CELF4: variants seen among roughly 807,000 people sequenced by gnomAD.
CELF4 encodes CUG-BP- and ETR-3-like factor 4.
In CELF4, 18 loss-of-function variants were observed where a neutral mutation model predicts 59.9. The observed-to-expected ratio is 0.30, with a 90% CI of 0.21 to 0.45. The LOEUF is 0.45. CELF4 is among the 20% of genes least tolerant of loss of function. The pLI, the probability that CELF4 is intolerant of heterozygous loss-of-function variation, is 1.00. For missense variants in CELF4, 456 were observed against 689.0 expected, an observed-to-expected ratio of 0.66 and a Z score of 3.79; for synonymous variants, 261 against 267.1, an observed-to-expected ratio of 0.98 and a Z score of 0.22.
At chr18:37,490,618 A>G (rs1198574739) in intron 1 of CELF4, among the ~76,000 whole-genome samples, 2 of 152,086 alleles carry the variant, frequency 1.3e-5, no homozygotes, top group African/African-American at 4.8e-5. Context: ...GAGTTGACAC[A>G]GGTGCTCTCA....
At chr18:37,438,791 G>A (rs901176347) in intron 2 of CELF4, among the ~76,000 whole-genome samples, 35 of 152,130 alleles carry the variant, frequency 2.3e-4, no homozygotes, top group Non-Finnish European at 3.5e-4. Flanking sequence ...ATTGACAGCC[G>A]CGGGTGTAAT....
intron 8 of CELF4, among the ~76,000 whole-genome samples, chr18:37,269,540 C>T (rs371587052): frequency 1.3e-5 from 2 of 152,206 alleles, no homozygotes; most frequent in African/African-American, 4.8e-5. Context: ...CCAGCCCCTG[C>T]TGCCAATTCA....
In CELF4 at chr18:37,243,980, G is replaced by A. The variant is rs945773604; in HGVS notation, c.*1262C>T. The A allele has an allele frequency of 2.4e-5, 4 of 167,856 alleles. No homozygotes were observed. Among genetic ancestry groups the A allele is most frequent in the African/African-American group, 4.8e-5 (2 of 41,730 alleles). The allele number at this position is 167,856 out of a possible 1,614,324, so 10.4% of individuals were successfully genotyped here. The stretch of plus-strand genomic sequence containing the variant: ...CGACGGCGTGGCCTCCACCGGCGTC[G>A]GCAGCCAGGCGCCCGCAGGTGTGGG... On this transcript the variant is annotated 3_prime_UTR_variant, in exon 13 of 13. Transcript: ENST00000420428.
At chr18:37,488,497 CA>C (rs2099887109) in intron 1 of CELF4, among the ~76,000 whole-genome samples, 1 of 152,140 alleles carries the variant, frequency 6.6e-6, no homozygotes, top group Non-Finnish European at 1.5e-5. Flanking sequence ...GAGAGCTGTT[CA>C]AGATCTGTGG....
intron 2 of CELF4, among the ~76,000 whole-genome samples, chr18:37,395,263 CT>C (rs2099229041): frequency 1.3e-5 from 2 of 152,080 alleles, no homozygotes; most frequent in South Asian, 4.2e-4. Context: ...GGTGAGAATG[CT>C]TTTTTTGTGT....
At chr18:37,306,679 G>A (rs2096420641) in intron 3 of CELF4, among the ~76,000 whole-genome samples, 1 of 152,172 alleles carries the variant, frequency 6.6e-6, no homozygotes, top group South Asian at 2.1e-4. Context: ...TCACTGACAA[G>A]AGCCCTTCAG....
chr18:37,352,065 A>T (rs1295941369), intron 2 of CELF4, among the ~76,000 whole-genome samples: 1 of 152,208 alleles, frequency 6.6e-6, no homozygotes, highest in Non-Finnish European at 1.5e-5. Flanking sequence ...TCACAGTTTA[A>T]ACGAGGGATG....
At chr18:37,451,348 G>A (rs2099763269) in intron 2 of CELF4, among the ~76,000 whole-genome samples, 1 of 152,106 alleles carries the variant, frequency 6.6e-6, no homozygotes, top group Non-Finnish European at 1.5e-5. Flanking sequence ...GCTTCTGTGT[G>A]TCTGTGTGTA....
At chr18:37,469,052 G>C (rs1347899779) in intron 2 of CELF4, among the ~76,000 whole-genome samples, 1 of 152,072 alleles carries the variant, frequency 6.6e-6, no homozygotes, top group Admixed American at 6.5e-5. Context: ...GATTTCCTGG[G>C]GCCATCTTCC....
rs1463777210 is a variant in CELF4 at position 37,253,273 on chromosome 18, G to A, written c.*44+494C>T. Among the ~76,000 whole-genome samples, 1 of 152,180 alleles carries A rather than the reference G, an allele frequency of 6.6e-6. No individual in the cohort carries two copies. The highest frequency in any genetic ancestry group is 6.5e-5 in the Admixed American group (1 of 15,286). ...ATCCTGTCCTTCCTCTCTTCACTGAGCTATGGGGAAAGACAGGGGTGCAGG... is the reference window on the plus strand; with the variant it reads ...ATCCTGTCCTTCCTCTCTTCACTGAACTATGGGGAAAGACAGGGGTGCAGG... On this transcript the variant is annotated intron_variant, in intron 12 of 12. Transcript: ENST00000420428. The surrounding 1 kb of genome is among the most constrained non-coding windows in gnomAD (Gnocchi z 4.5).
intron 2 of CELF4, chr18:37,474,118 C>T (rs1007151028): frequency 1.3e-5 from 2 of 152,170 alleles, no homozygotes; most frequent in Admixed American, 1.3e-4. Flanking sequence ...TGAAGCAACA[C>T]GAGGCCCCAG....
intron 2 of CELF4, among the ~76,000 whole-genome samples, chr18:37,432,781 AT>A (rs1352382263): frequency 6.6e-6 from 1 of 152,122 alleles, no homozygotes; most frequent in East Asian, 1.9e-4. Flanking sequence ...AGTGCCTCAC[AT>A]TTACTGTTTT....
At chr18:37,514,010 G>C (rs919355691) in intron 1 of CELF4, among the ~76,000 whole-genome samples, 1 of 151,514 alleles carries the variant, frequency 6.6e-6, no homozygotes, top group Non-Finnish European at 1.5e-5. Flanking sequence ...GTGTGGGATG[G>C]TGACTTCTGA....
intron 2 of CELF4, among the ~76,000 whole-genome samples, chr18:37,382,503 A>C (rs2154570092): frequency 6.6e-6 from 1 of 152,296 alleles, no homozygotes; most frequent in Non-Finnish European, 1.5e-5. Context: ...TGGGCACTGG[A>C]GAATGCAGAC....
chr18:37,460,083 A>C (rs1013529610), intron 2 of CELF4, among the ~76,000 whole-genome samples: 2 of 152,184 alleles, frequency 1.3e-5, no homozygotes, highest in African/African-American at 4.8e-5. Context: ...GAAGGAATAG[A>C]CCCAATATCA....
intron 10 of CELF4, among the ~76,000 whole-genome samples, chr18:37,261,374 A>C (rs1453782085): frequency 6.6e-6 from 1 of 152,124 alleles, no homozygotes; most frequent in Non-Finnish European, 1.5e-5. Flanking sequence ...TGTGGAAGCT[A>C]CATCTGTTCT....
chr18:37,448,231 T>G (rs2099753556), intron 2 of CELF4, among the ~76,000 whole-genome samples: 3 of 152,176 alleles, frequency 2.0e-5, no homozygotes, highest in Non-Finnish European at 2.9e-5. Context: ...CCTTGAGGCT[T>G]GTGCATGATG....
At position 37,254,187 on chromosome 18, in the gene CELF4, C is replaced by T. The variant is rs2067589793; in HGVS notation, c.1334-249G>A. Among the ~76,000 whole-genome samples, 1 of 151,118 alleles carries T rather than the reference C, an allele frequency of 6.6e-6. No individual in the cohort carries two copies. Among genetic ancestry groups the T allele is most frequent in the African/African-American group, 2.4e-5 (1 of 41,320 alleles). On this transcript the variant is annotated intron_variant, in intron 11 of 12. Transcript: ENST00000420428. The surrounding 1 kb of genome is among the most constrained non-coding windows in gnomAD (Gnocchi z 5.1). ...CTAGTCTCTGGCCGCGTCACTCGCC[C>T]GGCGCCCGCTCCCCAAGTGGGGCCC...
intron 1 of CELF4, among the ~76,000 whole-genome samples, chr18:37,553,950 C>G (rs1037830818): frequency 9.9e-5 from 15 of 152,186 alleles, no homozygotes; most frequent in Admixed American, 9.2e-4. Flanking sequence ...GAGGAACCCT[C>G]CCCTCACACG....
Sources: gnomAD v4.1 joint callset for allele counts (sites outside exome capture counted in the v4.1 genomes callset) on GRCh38, gnomAD v4.1.1 for gene constraint, Gnocchi (gnomAD v3.1) non-coding constraint, MANE v1.5 for transcripts, NCBI Gene and HGNC (gene_info 2026-07-23, HGNC 2026-07-21) for gene names.